MIA2: variants seen among roughly 807,000 people sequenced by gnomAD.
MIA2 encodes the protein melanoma inhibitory activity protein 2.
A neutral mutation model predicts 167.8 loss-of-function variants in MIA2; 127 were observed. That is an observed-to-expected ratio of 0.76 (90% CI 0.66 to 0.88). MIA2 has a LOEUF of 0.88. MIA2 is among the 40% of genes least tolerant of loss of function. The probability of loss-of-function intolerance (pLI) is 0.00; values close to 1 mark genes in which losing one functional copy is unlikely to be tolerated. For synonymous variants in MIA2, 552 were observed against 541.9 expected (o/e 1.02, Z -0.26); for missense variants, 1,690 against 1,624.7 (o/e 1.04, Z -0.69).
At chr14:39,378,754 C>T (rs935012425) in intron 23 of MIA2, among the ~76,000 whole-genome samples, 3 of 152,082 alleles carry the variant, frequency 2.0e-5, no homozygotes, top group East Asian at 3.9e-4. Context: ...GACAATACTT[C>T]CTGTATGAAT....
At chr14:39,309,959 T>A (rs961040841) in intron 18 of MIA2, among the ~76,000 whole-genome samples, 16 of 145,820 alleles carry the variant, frequency 1.1e-4, no homozygotes, top group African/African-American at 3.3e-4. Context: ...TTTTTTTTTT[T>A]ATCATAAAGG....
chr14:39,366,515 G>A (rs1035556630), intron 23 of MIA2, among the ~76,000 whole-genome samples: 12 of 152,198 alleles, frequency 7.9e-5, no homozygotes, highest in Admixed American at 7.2e-4. Context: ...ACGTGCCAGC[G>A]AGTACCAGCT....
At chr14:39,306,278 G>A (rs1566844470) in intron 17 of MIA2, among the ~76,000 whole-genome samples, 1 of 152,212 alleles carries the variant, frequency 6.6e-6, no homozygotes, top group Admixed American at 6.5e-5. Flanking sequence ...ACCTGAAACT[G>A]AGAAGTTTGT....
intron 14 of MIA2, among the ~76,000 whole-genome samples, chr14:39,300,450 TGATTTTTTA>T (rs1283961443): frequency 6.6e-6 from 1 of 151,218 alleles, no homozygotes; most frequent in Non-Finnish European, 1.5e-5. Flanking sequence ...AAGGATTTTT[TGATTTTTTA>T]GATTTTTAAG....
chr14:39,379,684 C>A (rs1427037408), intron 23 of MIA2, among the ~76,000 whole-genome samples: 1 of 151,826 alleles, frequency 6.6e-6, no homozygotes, highest in Non-Finnish European at 1.5e-5. Flanking sequence ...AAACCCCACC[C>A]CTACTAAAAA....
At chr14:39,325,131 G>A (rs1441401300) in intron 24 of MIA2, among the ~76,000 whole-genome samples, 1 of 151,976 alleles carries the variant, frequency 6.6e-6, no homozygotes, top group Non-Finnish European at 1.5e-5. Context: ...GCTGAGGTGG[G>A]AGAATTGCTT....
chr14:39,294,186 A>ATG (rs1158815061), intron 12 of MIA2, 115 bp downstream of exon 12: 11 of 657,544 alleles, frequency 1.7e-5, no homozygotes, highest in Non-Finnish European at 4.9e-6. Flanking sequence ...GATCCCAGAT[A>ATG]TGTATTTTTT....
intron 2 of MIA2, 40 bp from the exon 3 acceptor site, chr14:39,240,521 A>G (rs1390267153): frequency 2.7e-6 from 4 of 1,485,260 alleles, no homozygotes; most frequent in South Asian, 1.1e-5. Flanking sequence ...TATTGCTTTG[A>G]TCATTCTTCC....
intron 17 of MIA2, among the ~76,000 whole-genome samples, chr14:39,306,302 T>G (rs1405762461): frequency 1.3e-5 from 2 of 152,218 alleles, no homozygotes; most frequent in African/African-American, 4.8e-5. Context: ...GAAAAGAGGT[T>G]TAACTGGCTC....
downstream of MIA2, among the ~76,000 whole-genome samples, chr14:39,355,296 G>A (rs62000708): frequency 0.072 from 10,888 of 152,182 alleles, 485 homozygotes; most frequent in South Asian, 0.17. Context: ...TGGATTCCTA[G>A]GTATTTTATT....
chr14:39,293,965 T>C (rs766044256), intron 11 of MIA2, 35 bp from the exon 12 acceptor site: 1 of 1,535,048 alleles, frequency 6.5e-7, no homozygotes, highest in Non-Finnish European at 9.0e-7. Flanking sequence ...AACTAGAGTT[T>C]AGTAAATATT....
At chr14:39,252,698 C>A in intron 4 of MIA2, 50 bp from the exon 5 acceptor site, 1 of 1,448,838 alleles carries the variant, frequency 6.9e-7, no homozygotes, top group South Asian at 1.2e-5. Context: ...GGGGAGCCCT[C>A]AACAAAGCAA....
chr14:39,246,426 A>C (rs1181258232), intron 3 of MIA2, among the ~76,000 whole-genome samples: 1 of 152,172 alleles, frequency 6.6e-6, no homozygotes, highest in Non-Finnish European at 1.5e-5. Context: ...ATAACAAATA[A>C]ATCATAATGG....
intron 21 of MIA2, among the ~76,000 whole-genome samples, chr14:39,317,619 C>T (rs3783292): frequency 0.86 from 131,394 of 152,076 alleles, 57,344 homozygotes; most frequent in East Asian, 0.95. Context: ...TCTCTTGTGT[C>T]CTAGGCACTG....
At position 39,247,812 on chromosome 14, in the gene MIA2, A is replaced by G. The variant is rs765673366; in HGVS notation, c.1238A>G (p.His413Arg). The G allele has an allele frequency of 1.9e-6, 3 of 1,607,392 alleles. No individual in the cohort carries two copies. The highest frequency in any genetic ancestry group is 1.7e-6 in the Non-Finnish European group (2 of 1,178,466). Reference protein sequence around the residue: ...EEDGGADEHEHPLTSELDPEK... With the variant: ...EEDGGADEHERPLTSELDPEK... ...GATGGTGGGGCAGATGAACATGAACATCCTCTAACAAGTGAATTAGACCCT... is the reference window on the plus strand; with the variant it reads ...GATGGTGGGGCAGATGAACATGAACGTCCTCTAACAAGTGAATTAGACCCT... The change falls in exon 4 of 29, where the codon CAT becomes CGT. Residue 413 changes from histidine to arginine, a missense_variant. Coordinates refer to ENST00000640607, the MANE Select transcript of MIA2 (RefSeq NM_001329214.4).
intron 6 of MIA2, among the ~76,000 whole-genome samples, chr14:39,271,012 G>A (rs1031640721): frequency 3.3e-5 from 5 of 151,974 alleles, no homozygotes; most frequent in East Asian, 3.8e-4. Context: ...TGTGCTTTTG[G>A]TATCATAGCT....
In MIA2 at chr14:39,320,908, T is replaced by C. The variant is rs370097309; in HGVS notation, c.3368-20T>C. 4.4e-5 allele frequency: 71 copies of C among 1,605,742 alleles called. No individual in the cohort carries two copies. Among genetic ancestry groups the C allele is most frequent in the Non-Finnish European group, 5.9e-5 (70 of 1,177,418 alleles). On this transcript the variant is annotated intron_variant, in intron 23 of 28. Coordinates refer to ENST00000640607, the MANE Select transcript of MIA2 (RefSeq NM_001329214.4). ...CTAAGTGAAACTATGAATTTAAATATGCTGTTTTAATTATTCCAGAGCATT... is the reference window on the plus strand; with the variant it reads ...CTAAGTGAAACTATGAATTTAAATACGCTGTTTTAATTATTCCAGAGCATT...
At chr14:39,374,099 G>A (rs2043098999) in intron 23 of MIA2, among the ~76,000 whole-genome samples, 1 of 152,178 alleles carries the variant, frequency 6.6e-6, no homozygotes, top group South Asian at 2.1e-4. Flanking sequence ...GGGAGGTTAA[G>A]GGACAGAAGA....
intron 23 of MIA2, among the ~76,000 whole-genome samples, chr14:39,365,097 A>G (rs2074790086): frequency 6.6e-6 from 1 of 150,964 alleles, no homozygotes; most frequent in South Asian, 2.1e-4. Flanking sequence ...ATGGAATCTC[A>G]CTGTGTTGCA....
Sources: allele counts gnomAD v4.1 joint callset (sites outside exome capture counted in the v4.1 genomes callset), GRCh38; gene constraint gnomAD v4.1.1; transcripts MANE v1.5; gene names NCBI Gene and HGNC (gene_info 2026-07-23, HGNC 2026-07-21).